The following COL23A1 variants were observed in gnomAD, a reference collection of about 807,000 sequenced individuals.
COL23A1 encodes the protein collagen alpha-1(XXIII) chain.
COL23A1 carries 97 observed loss-of-function variants against 99.3 expected under a neutral mutation model. The ratio of observed to expected loss-of-function variants is 0.98; its 90% CI spans 0.83 to 1.16. The LOEUF is 1.16. Ranked by LOEUF, COL23A1 falls within the 50% of genes most tolerant of loss-of-function variation. The pLI, the probability that COL23A1 is intolerant of heterozygous loss-of-function variation, is 0.00. For missense variants in COL23A1, 762 were observed against 757.4 expected, an observed-to-expected ratio of 1.01 and a Z score of -0.07; for synonymous variants, 320 against 308.2, an observed-to-expected ratio of 1.04 and a Z score of -0.40.
intron 2 of COL23A1, among the ~76,000 whole-genome samples, chr5:178,321,149 T>C (rs1234455208): frequency 2.0e-5 from 3 of 152,252 alleles, no homozygotes; most frequent in Non-Finnish European, 4.4e-5. Context: ...ATACATAGCA[T>C]GAAAGGTCCC....
chr5:178,261,708 TAAG>T lies in COL23A1; in HGVS notation c.702+11_702+13del, dbSNP rs754335037. 142 of 1,604,014 alleles carry T rather than the reference TAAG, an allele frequency of 8.9e-5. No homozygotes were observed. In the East Asian group the frequency reaches 3.1e-3, roughly 35 times the overall value. On this transcript the variant is annotated intron_variant, in intron 11 of 28. Coordinates refer to ENST00000390654, the MANE Select transcript of COL23A1 (RefSeq NM_173465.4). ...CAGATCTGGGGAGGGGCATGGGGAA[TAAG>T]GAGTACTCACCTTGGGCCCTGGGGG...
intron 2 of COL23A1, among the ~76,000 whole-genome samples, chr5:178,477,432 A>G (rs115115721): frequency 2.0e-5 from 3 of 152,314 alleles, no homozygotes; most frequent in Non-Finnish European, 2.9e-5. Context: ...TGAGTCACCA[A>G]TGTAACCCAG....
chr5:178,351,629 C>T (rs1258812968), intron 2 of COL23A1, among the ~76,000 whole-genome samples: 2 of 152,088 alleles, frequency 1.3e-5, no homozygotes, highest in Non-Finnish European at 2.9e-5. Flanking sequence ...CAGGCCGGGG[C>T]AAGGTTTGGG....
Position 178,375,964 on chromosome 5 carries a change from C to T in COL23A1, c.362-69045G>A, listed in dbSNP as rs1218838296. Among the ~76,000 whole-genome samples the T allele has an allele frequency of 1.3e-5, 2 of 152,196 alleles. 1 individual carries two copies. Among genetic ancestry groups the T allele is most frequent in the Non-Finnish European group, 2.9e-5 (2 of 68,038 alleles). ...TCAAGTGATCTGCCCGCCTCGGCCT[C>T]CAAAAGTGTTGGGATTATAGGCGTG... is the stretch of plus-strand genomic sequence containing the variant. On this transcript the variant is annotated intron_variant, in intron 2 of 28. Coordinates refer to ENST00000390654, the MANE Select transcript of COL23A1 (RefSeq NM_173465.4).
chr5:178,348,526 G>C (rs1761120174), intron 2 of COL23A1, among the ~76,000 whole-genome samples: 2 of 152,186 alleles, frequency 1.3e-5, no homozygotes, highest in Admixed American at 6.5e-5. Context: ...TGGCCTCAGG[G>C]CTCCGAACGG....
intron 2 of COL23A1, among the ~76,000 whole-genome samples, chr5:178,547,485 A>ACC (rs1562076414): frequency 7.1e-5 from 2 of 28,088 alleles, no homozygotes; most frequent in Non-Finnish European, 1.8e-4. Flanking sequence ...ACCCACACAC[A>ACC]CACCCACACA....
chr5:178,520,392 T>C (rs764738383), intron 2 of COL23A1, among the ~76,000 whole-genome samples: 5 of 152,196 alleles, frequency 3.3e-5, no homozygotes, highest in Non-Finnish European at 5.9e-5. Flanking sequence ...ATACGACTCC[T>C]ACATGTTCTC....
intron 2 of COL23A1, among the ~76,000 whole-genome samples, chr5:178,537,595 C>G (rs966265240): frequency 6.6e-6 from 1 of 152,202 alleles, no homozygotes; most frequent in African/African-American, 2.4e-5. Context: ...CTGTCCCTCT[C>G]TTGTCTGGGT....
At chr5:178,523,239 C>CAG (rs1164498814) in intron 2 of COL23A1, among the ~76,000 whole-genome samples, 7 of 66,228 alleles carry the variant, frequency 1.1e-4, no homozygotes, top group African/African-American at 2.6e-4. Flanking sequence ...GAGGGAGAGA[C>CAG]AGAGAGAGAG....
At chr5:178,358,751 A>G (rs764560490) in intron 2 of COL23A1, among the ~76,000 whole-genome samples, 14,924 of 134,716 alleles carry the variant, frequency 0.11, 895 homozygotes, top group Middle Eastern at 0.27. Flanking sequence ...CTGTGTGTGT[A>G]TCTGTGTGTG....
chr5:178,546,374 G>A (rs1761580455), intron 2 of COL23A1, among the ~76,000 whole-genome samples: 2 of 152,162 alleles, frequency 1.3e-5, no homozygotes, highest in African/African-American at 4.8e-5. Context: ...GTCTAGATAG[G>A]CAGAGGAGCT....
intron 2 of COL23A1, among the ~76,000 whole-genome samples, chr5:178,551,351 T>C (rs1030496443): frequency 2.6e-5 from 4 of 152,184 alleles, no homozygotes; most frequent in Non-Finnish European, 5.9e-5. Context: ...ACACATTTTA[T>C]AATTGATAGA....
Position 178,366,681 on chromosome 5 carries a change from G to A in COL23A1, c.362-59762C>T, listed in dbSNP as rs538481976. On this transcript the variant is annotated intron_variant, in intron 2 of 28. Transcript: ENST00000390654. This position sits in a 1 kb window ranked among gnomAD's most constrained non-coding sequence, Gnocchi z 4.4. The stretch of plus-strand genomic sequence containing the variant: ...CCTAGAACCAAAACAGCATCCTGCC[G>A]CTGCCACGGTGGTGCAGCCACACTG... 4.6e-5 allele frequency among the ~76,000 whole-genome samples: 7 copies of A among 152,258 alleles called. No individual in the cohort carries two copies. Among genetic ancestry groups the A allele is most frequent in the African/African-American group, 7.2e-5 (3 of 41,558 alleles).
In COL23A1 at chr5:178,238,687, G is replaced by C; in HGVS notation, c.*11C>G. 2 of 1,612,226 alleles carry C rather than the reference G, an allele frequency of 1.2e-6. No homozygotes were observed. The highest frequency in any genetic ancestry group is 1.7e-6 in the Non-Finnish European group (2 of 1,179,976). On this transcript the variant is annotated 3_prime_UTR_variant, in exon 29 of 29. Coordinates refer to ENST00000390654, the MANE Select transcript of COL23A1 (RefSeq NM_173465.4). ...ACACGGATCTGTACAGGTGTGAGCT[G>C]GGCCTGTGGGTCACTGGAAAAGGAG...
chr5:178,257,371 G>A, intron 13 of COL23A1, 152 bp downstream of exon 13: 1 of 837,556 alleles, frequency 1.2e-6, no homozygotes, highest in Non-Finnish European at 2.0e-6. Context: ...TGTGTGGTGG[G>A]GCCGCGGCCT....
intron 1 of COL23A1, among the ~76,000 whole-genome samples, chr5:178,563,092 G>T (rs184750488): frequency 6.6e-6 from 1 of 152,176 alleles, no homozygotes; most frequent in Non-Finnish European, 1.5e-5. Context: ...ACTCCAGGGG[G>T]TGCCTTTAGG....
rs572116381 is a variant in COL23A1, at chr5:178,537,461, G to A, written c.361+23221C>T. On this transcript the variant is annotated intron_variant, in intron 2 of 28. Coordinates refer to ENST00000390654, the MANE Select transcript of COL23A1 (RefSeq NM_173465.4). ...TTTCCTGGGTCATAGAACTAGTACC[G>A]AGGAGAGGAGAACAGTGTCCACAGA... 5.3e-5 allele frequency among the ~76,000 whole-genome samples: 8 copies of A among 152,344 alleles called. No homozygotes were observed. In the East Asian group the frequency reaches 9.7e-4, roughly 18 times the overall value.
At chr5:178,541,686 T>C (rs1476391147) in intron 2 of COL23A1, among the ~76,000 whole-genome samples, 2 of 152,210 alleles carry the variant, frequency 1.3e-5, no homozygotes, top group African/African-American at 4.8e-5. Flanking sequence ...CTGAAAGACA[T>C]ATACTACATT....
intron 2 of COL23A1, among the ~76,000 whole-genome samples, chr5:178,358,700 T>C (rs1263660095): frequency 6.7e-6 from 1 of 148,856 alleles, no homozygotes; most frequent in Non-Finnish European, 1.5e-5. Context: ...TGTATGTATG[T>C]GTATGTGTGT....
Sources: allele counts gnomAD v4.1 joint callset (sites outside exome capture counted in the v4.1 genomes callset), GRCh38; gene constraint gnomAD v4.1.1; non-coding constraint Gnocchi (gnomAD v3.1); transcripts MANE v1.5; gene names NCBI Gene and HGNC (gene_info 2026-07-23, HGNC 2026-07-21).